GLIS2: variants seen among roughly 807,000 people sequenced by gnomAD.
The protein encoded by GLIS2 is GLIS family zinc finger 2.
A neutral mutation model predicts 35.6 loss-of-function variants in GLIS2; 14 were observed. The observed-to-expected ratio is 0.39, with a 90% CI of 0.26 to 0.61. The LOEUF (loss-of-function observed/expected upper bound fraction) is 0.61. Ranked by LOEUF, GLIS2 falls within the 20% of genes least tolerant of loss-of-function variation. The pLI is 0.48. For missense variants in GLIS2, 675 were observed against 713.4 expected, an observed-to-expected ratio of 0.95 and a Z score of 0.61; for synonymous variants, 368 against 325.1, an observed-to-expected ratio of 1.13 and a Z score of -1.42.
Position 4,332,380 on chromosome 16 carries a change from C to T in GLIS2, c.100C>T (p.Arg34Cys), listed in dbSNP as rs369113794. ...RERTLGVVRPRALHRELGLVD... is the reference protein window; with the variant it reads ...RERTLGVVRPCALHRELGLVD... ...GAGGACGCTGGGTGTGGTCCGGCCCCGTGCTCTGCACAGGGAGCTGGGCCT... is the reference window on the plus strand; with the variant it reads ...GAGGACGCTGGGTGTGGTCCGGCCCTGTGCTCTGCACAGGGAGCTGGGCCT... Residue 34 changes from arginine (R) to cysteine (C), a missense_variant, in exon 2 of 7, where the codon CGT becomes TGT. Arg to Cys is a radical substitution (Grantham distance 180). This residue lies in a region of GLIS2 where 225 missense variants were observed against 238.7 expected (regional missense o/e 0.94). Transcript: ENST00000433375. The surrounding 1 kb of genome is among the most constrained non-coding windows in gnomAD (Gnocchi z 5.4). The T allele has an allele frequency of 5.5e-5, 88 of 1,612,884 alleles. No individual in the cohort carries two copies. The highest frequency in any genetic ancestry group is 6.9e-5 in the Non-Finnish European group (81 of 1,180,026).
At position 4,337,621 on chromosome 16, in the gene GLIS2, T is replaced by C; in HGVS notation, c.*97T>C. The C allele has an allele frequency of 2.0e-6, 3 of 1,503,726 alleles. No individual in the cohort carries two copies. The highest frequency in any genetic ancestry group is 2.7e-6 in the Non-Finnish European group (3 of 1,119,562). 93.1% of individuals were successfully genotyped at this position (1,503,726 alleles called of 1,614,324 possible). On this transcript the variant is annotated 3_prime_UTR_variant, in exon 7 of 7. Transcript: ENST00000433375. Reference sequence around the variant, plus strand: ...CTGTGAAATAGCAATAATGTCCTACTGCCCGGGCAGCCCCAGCCCAGCCCG... The same window carrying C: ...CTGTGAAATAGCAATAATGTCCTACCGCCCGGGCAGCCCCAGCCCAGCCCG...
chr16:4,319,136 G>A (rs1001878367), intron 1 of GLIS2, among the ~76,000 whole-genome samples: 1 of 152,176 alleles, frequency 6.6e-6, no homozygotes, highest in African/African-American at 2.4e-5. Flanking sequence ...GCCCTGTGCT[G>A]GGTGGAATTG....
intron 1 of GLIS2, chr16:4,324,820 G>C (rs1228883120): frequency 1.3e-5 from 2 of 152,284 alleles, no homozygotes; most frequent in Non-Finnish European, 2.9e-5. Context: ...TTTGGGATGA[G>C]GGGGATGAGG....
At position 4,337,410 on chromosome 16, in the gene GLIS2, G is replaced by C. The variant is rs971469408; in HGVS notation, c.1461G>C (p.Val487=). ...PDGLPLLPGT[V]LDLSTGVNSA... ...GACTCCCCCTGCTGCCAGGCACCGT[G>C]CTGGACCTGTCCACGGGCGTCAACT... is the stretch of plus-strand genomic sequence containing the variant. The change falls in exon 7 of 7, where the codon GTG becomes GTC. Residue 487 remains valine (V), a synonymous_variant. Transcript: ENST00000433375. The C allele has an allele frequency of 6.3e-7, 1 of 1,589,422 alleles. No homozygotes were observed. Among genetic ancestry groups the C allele is most frequent in the African/African-American group, 1.3e-5 (1 of 74,478 alleles).
rs1025242404 is a variant in GLIS2 at position 4,316,358 on chromosome 16, C to A, written c.-67+104C>A. 2.6e-4 allele frequency among the ~76,000 whole-genome samples: 38 copies of A among 146,048 alleles called. 1 individual carries two copies. The highest frequency in any genetic ancestry group is 3.9e-4 in the Non-Finnish European group (26 of 65,874). Reference sequence around the variant, plus strand: ...TGCGGGGCCCGAGGGTCTCCTCCCCCGCTCGCGTCCGCGCCCCGGGCCATT... The same window carrying A: ...TGCGGGGCCCGAGGGTCTCCTCCCCAGCTCGCGTCCGCGCCCCGGGCCATT... On this transcript the variant is annotated intron_variant, in intron 1 of 6. Transcript: ENST00000433375.
rs1048790301 is a variant in GLIS2, at chr16:4,332,049, G to A, written c.-66-166G>A. 1.3e-4 allele frequency among the ~76,000 whole-genome samples: 20 copies of A among 152,162 alleles called. No individual in the cohort carries two copies. Among genetic ancestry groups the A allele is most frequent in the African/African-American group, 4.8e-4 (20 of 41,428 alleles). ...TGCGGAATCTCTGAGGAGGCTGTTGGCTCTCCCCCCATGATAGCTGCCGGC... is the reference window on the plus strand; with the variant it reads ...TGCGGAATCTCTGAGGAGGCTGTTGACTCTCCCCCCATGATAGCTGCCGGC... On this transcript the variant is annotated intron_variant, in intron 1 of 6. Coordinates refer to ENST00000433375, the MANE Select transcript of GLIS2 (RefSeq NM_032575.3). This position sits in a 1 kb window ranked among gnomAD's most constrained non-coding sequence, Gnocchi z 5.4.
upstream of GLIS2, among the ~76,000 whole-genome samples, chr16:4,315,648 G>C (rs1420980790): frequency 2.7e-5 from 4 of 149,190 alleles, no homozygotes; most frequent in African/African-American, 1.0e-4. Flanking sequence ...CGCTGCCCTC[G>C]GGCCGGGGGC....
chr16:4,337,490 G>A lies in GLIS2; in HGVS notation c.1541G>A (p.Gly514Asp), dbSNP rs868038822. Residue 514 changes from glycine (G) to aspartate (D), a missense_variant, in exon 7 of 7, where the codon GGC (glycine) becomes GAC (aspartate). Physicochemically the swap from Gly to Asp is moderately conservative, Grantham distance 94. Coordinates refer to ENST00000433375, the MANE Select transcript of GLIS2 (RefSeq NM_032575.3). ...CCTGGCTGGGTGGTCATCCCGCCGG[G>A]CTCGGTGCTGCTCAAACCGGCTGTG... ...LAPGWVVIPP[G>D]SVLLKPAVVN 1 of 1,565,984 alleles carries A rather than the reference G, an allele frequency of 6.4e-7. No individual in the cohort carries two copies. Among genetic ancestry groups the A allele is most frequent in the Admixed American group, 1.8e-5 (1 of 54,532 alleles).
At chr16:4,318,414 C>T (rs193130772) in intron 1 of GLIS2, among the ~76,000 whole-genome samples, 48 of 152,320 alleles carry the variant, frequency 3.2e-4, no homozygotes, top group African/African-American at 7.2e-4. Flanking sequence ...CTCAATTATC[C>T]GAGGGTGGAG....
Position 4,337,131 on chromosome 16 carries a change from T to G in GLIS2, c.1182T>G (p.Gly394=), listed in dbSNP as rs2053562963. 3 of 1,530,060 alleles carry G rather than the reference T, an allele frequency of 2.0e-6. No individual in the cohort carries two copies. Among genetic ancestry groups the G allele is most frequent in the East Asian group, 2.4e-5 (1 of 40,848 alleles). The allele number at this position is 1,530,060 out of a possible 1,614,324, so 94.8% of individuals were successfully genotyped here. A position where few individuals can be genotyped will look rare whatever the true frequency, so the allele number is the denominator to read the frequency against. The change falls in exon 7 of 7, where the codon GGT becomes GGG. Residue 394 remains glycine (G), a synonymous_variant. Transcript: ENST00000433375. ...LACGNGGGSG[G]GGGMGPGLPG... ...GTGGCAACGGTGGGGGCAGTGGGGG[T>G]GGGGGGGGCATGGGCCCTGGGCTGC...
chr16:4,330,461 A>G (rs1425759146), intron 1 of GLIS2, among the ~76,000 whole-genome samples: 1 of 152,224 alleles, frequency 6.6e-6, no homozygotes, highest in East Asian at 1.9e-4. Flanking sequence ...GCCAGGCCAC[A>G]ATCCCCAGCT....
Position 4,337,339 on chromosome 16 carries a change from C to T in GLIS2, c.1390C>T (p.Pro464Ser), listed in dbSNP as rs763089390. ...CCTGGGCATGGAGGGCCACAAGACG[C>T]CCCTTGAAAGGACGGAGAGCAGCTG... is the stretch of plus-strand genomic sequence containing the variant. ...RALGMEGHKTPLERTESSCSR... is the reference protein window; with the variant it reads ...RALGMEGHKTSLERTESSCSR... The change falls in exon 7 of 7, where the codon CCC (proline) becomes TCC (serine). Residue 464 changes from proline to serine, a missense_variant. Coordinates refer to ENST00000433375, the MANE Select transcript of GLIS2 (RefSeq NM_032575.3). 2.5e-6 allele frequency: 4 copies of T among 1,587,982 alleles called. No individual in the cohort carries two copies. Among genetic ancestry groups the T allele is most frequent in the Admixed American group, 3.5e-5 (2 of 57,508 alleles).
Position 4,332,221 on chromosome 16 carries a change from G to A in GLIS2, c.-60G>A, listed in dbSNP as rs2053504332. Reference sequence around the variant, plus strand: ...AGCTCCTGTCCTTCCCCAGGTTCCTGCGTGAAGACCAGCTGGGAGCCCACT... The same window carrying A: ...AGCTCCTGTCCTTCCCCAGGTTCCTACGTGAAGACCAGCTGGGAGCCCACT... On this transcript the variant is annotated 5_prime_UTR_variant, in exon 2 of 7. Transcript: ENST00000433375. This position sits in a 1 kb window ranked among gnomAD's most constrained non-coding sequence, Gnocchi z 5.4. The A allele has an allele frequency of 1.3e-6, 2 of 1,583,174 alleles. No homozygotes were observed. The highest frequency in any genetic ancestry group is 2.7e-5 in the African/African-American group (2 of 74,342).
rs1397272163 is a variant in GLIS2 at position 4,337,596 on chromosome 16, C to T, written c.*72C>T. On this transcript the variant is annotated 3_prime_UTR_variant, in exon 7 of 7. Transcript: ENST00000433375. ...CTGCCCCCGACGAACGGAAACTCTTCTGTGAAATAGCAATAATGTCCTACT... is the reference window on the plus strand; with the variant it reads ...CTGCCCCCGACGAACGGAAACTCTTTTGTGAAATAGCAATAATGTCCTACT... 4 of 1,529,284 alleles carry T rather than the reference C, an allele frequency of 2.6e-6. No individual in the cohort carries two copies. Among genetic ancestry groups the T allele is most frequent in the East Asian group, 2.4e-5 (1 of 40,874 alleles). The allele number at this position is 1,529,284 out of a possible 1,614,324, so 94.7% of individuals were successfully genotyped here.
chr16:4,337,683 GCCTC>G lies in GLIS2; in HGVS notation c.*162_*165del. ...GATGGTGCTAGGTCATTCATGGCTGGCCTCCCAGCCCCCGGGTGGGGACCTGGCC... is the reference window on the plus strand; with the variant it reads ...GATGGTGCTAGGTCATTCATGGCTGGCCAGCCCCCGGGTGGGGACCTGGCC... On this transcript the variant is annotated 3_prime_UTR_variant, in exon 7 of 7. Coordinates refer to ENST00000433375, the MANE Select transcript of GLIS2 (RefSeq NM_032575.3). 9.3e-7 allele frequency: 1 copy of G among 1,072,760 alleles called. No homozygotes were observed. Among genetic ancestry groups the G allele is most frequent in the Non-Finnish European group, 1.4e-6 (1 of 736,326 alleles). 66.5% of individuals were successfully genotyped at this position (1,072,760 alleles called of 1,614,324 possible).
chr16:4,314,778 G>C (rs537106680), upstream of GLIS2: 2 of 152,288 alleles, frequency 1.3e-5, no homozygotes, highest in African/African-American at 4.8e-5. Context: ...TCACCTCTAG[G>C]GGATGCTGAT....
chr16:4,321,715 C>T (rs1210209855), intron 1 of GLIS2, among the ~76,000 whole-genome samples: 1 of 150,434 alleles, frequency 6.6e-6, no homozygotes, highest in Non-Finnish European at 1.5e-5. Context: ...GAGGCCTTCT[C>T]TTCAGTAGCC....
intron 6 of GLIS2, chr16:4,336,461 C>T: frequency 1.7e-6 from 1 of 605,954 alleles, no homozygotes; most frequent in Non-Finnish European, 3.0e-6. Context: ...AGGCCATGTT[C>T]TGCTGCTGAA....
chr16:4,324,107 C>G lies in GLIS2; in HGVS notation c.-67+7853C>G, dbSNP rs527936374. 3.9e-5 allele frequency among the ~76,000 whole-genome samples: 6 copies of G among 152,330 alleles called. No homozygotes were observed. In the East Asian group the frequency reaches 9.6e-4, roughly 24 times the overall value. The stretch of plus-strand genomic sequence containing the variant: ...GAGGTCAGCCCTGGCTGGGTCACCT[C>G]GGACCCCTTGTGTTCCCACCCCGGG... On this transcript the variant is annotated intron_variant, in intron 1 of 6. Coordinates refer to ENST00000433375, the MANE Select transcript of GLIS2 (RefSeq NM_032575.3).
Sources: allele counts gnomAD v4.1 joint callset (sites outside exome capture counted in the v4.1 genomes callset), GRCh38; gene constraint gnomAD v4.1.1; regional missense constraint gnomAD v4.1.1; non-coding constraint Gnocchi (gnomAD v3.1); transcripts MANE v1.5; gene names NCBI Gene and HGNC (gene_info 2026-07-23, HGNC 2026-07-21).